The following VPS13B variants were observed in gnomAD, a reference collection of about 807,000 sequenced individuals.
VPS13B encodes vacuolar protein sorting 13 homolog B, also known as intermembrane lipid transfer protein VPS13B.
A neutral mutation model predicts 426.4 loss-of-function variants in VPS13B; 285 were observed. The ratio of observed to expected loss-of-function variants is 0.67; its 90% CI spans 0.61 to 0.74. The LOEUF (loss-of-function observed/expected upper bound fraction) is 0.74, where lower values mean the gene tolerates loss of function less well. VPS13B is among the 30% of genes least tolerant of loss of function. The probability of loss-of-function intolerance (pLI) is 0.00; values close to 1 mark genes in which losing one functional copy is unlikely to be tolerated. For synonymous variants in VPS13B, 1,676 were observed against 1,676.4 expected (o/e 1.00, Z 0.01); for missense variants, 4,537 against 4,782.6 (o/e 0.95, Z 1.51).
intron 39 of VPS13B, among the ~76,000 whole-genome samples, chr8:99,747,461 G>T (rs894456918): frequency 6.6e-6 from 1 of 151,906 alleles, no homozygotes; most frequent in African/African-American, 2.4e-5. Context: ...ACCAGCTGTT[G>T]GTTCTTCAGA....
Position 99,848,880 on chromosome 8 carries a change from A to G in VPS13B, c.10047A>G (p.Leu3349=), listed in dbSNP as rs1816115503. 6 of 1,613,910 alleles carry G rather than the reference A, an allele frequency of 3.7e-6. No individual in the cohort carries two copies. Among genetic ancestry groups the G allele is most frequent in the Non-Finnish European group, 5.1e-6 (6 of 1,179,900 alleles). The change falls in exon 55 of 62, where the codon TTA becomes TTG. Residue 3349 remains leucine, a synonymous_variant. Transcript: ENST00000357162. ...VAPEGKAGPI[L]TNTNRAPEKI... is the part of the protein sequence containing the mutation. Reference sequence around the variant, plus strand: ...CAGAAGGAAAAGCAGGACCTATTTTAACCAATACCAACAGGTAGGTTTAAT... The same window carrying G: ...CAGAAGGAAAAGCAGGACCTATTTTGACCAATACCAACAGGTAGGTTTAAT...
intron 28 of VPS13B, chr8:99,507,870 A>G: frequency 6.2e-7 from 1 of 1,614,114 alleles, no homozygotes; most frequent in Non-Finnish European, 8.5e-7. Flanking sequence ...ACCCATCAGC[A>G]AGCAGGACCC....
chr8:99,135,639 G>C lies in VPS13B; in HGVS notation c.1469G>C (p.Gly490Ala), dbSNP rs761218548. 1 of 1,613,338 alleles carries C rather than the reference G, an allele frequency of 6.2e-7. No individual in the cohort carries two copies. Among genetic ancestry groups the C allele is most frequent in the African/African-American group, 1.3e-5 (1 of 74,998 alleles). The change falls in exon 11 of 62, where the codon GGT becomes GCT. Residue 490 changes from glycine (G) to alanine (A), a missense_variant. Physicochemically the swap from Gly to Ala is moderately conservative, Grantham distance 60. Transcript: ENST00000357162. ...FICGDNLSTKGFTYLTNSLFD... is the reference protein window; with the variant it reads ...FICGDNLSTKAFTYLTNSLFD... ...TGTGGTGACAATTTGAGTACGAAAG[G>C]TTTCACATACCTTACAAATTCATTG...
chr8:99,731,051 C>T (rs75139025), intron 39 of VPS13B, among the ~76,000 whole-genome samples: 2,955 of 152,132 alleles, frequency 0.019, 102 homozygotes, highest in African/African-American at 0.068. Context: ...ACTCAGTGAG[C>T]AAAATTTCAG....
chr8:99,196,694 C>A (rs969381859), intron 17 of VPS13B, among the ~76,000 whole-genome samples: 4 of 152,080 alleles, frequency 2.6e-5, no homozygotes, highest in Non-Finnish European at 4.4e-5. Context: ...CCACCTCGTC[C>A]TCCTAAAATA....
chr8:99,509,116 A>C (rs1338782440), intron 28 of VPS13B, among the ~76,000 whole-genome samples: 1 of 152,176 alleles, frequency 6.6e-6, no homozygotes, highest in Non-Finnish European at 1.5e-5. Context: ...CAGTTTAGAC[A>C]CTTAGAACAG....
At chr8:99,047,418 T>C (rs1385965508) in intron 3 of VPS13B, among the ~76,000 whole-genome samples, 2 of 152,148 alleles carry the variant, frequency 1.3e-5, no homozygotes, top group South Asian at 2.1e-4. Flanking sequence ...ATTTTCTCTC[T>C]TCTTTTTTGG....
chr8:99,380,399 C>T (rs1813726891), intron 19 of VPS13B, among the ~76,000 whole-genome samples: 1 of 152,026 alleles, frequency 6.6e-6, no homozygotes, highest in Non-Finnish European at 1.5e-5. Context: ...TTAATTATGA[C>T]TCCCATTTTG....
intron 21 of VPS13B, among the ~76,000 whole-genome samples, chr8:99,408,526 G>A (rs2133351972): frequency 6.6e-6 from 1 of 152,290 alleles, no homozygotes. Flanking sequence ...AGGACTATAA[G>A]ATGAAGAGCA....
intron 2 of VPS13B, among the ~76,000 whole-genome samples, chr8:99,021,289 GT>G (rs1563487277): frequency 6.6e-6 from 1 of 152,178 alleles, no homozygotes; most frequent in Non-Finnish European, 1.5e-5. Context: ...AAGGAATAAA[GT>G]TGGTTTTTTT....
chr8:99,873,897 G>A (rs530982400), intron 61 of VPS13B, among the ~76,000 whole-genome samples: 39 of 152,324 alleles, frequency 2.6e-4, no homozygotes, highest in African/African-American at 8.7e-4. Context: ...TTCCAGTGAA[G>A]ACTAAAAGTA....
At chr8:99,353,230 C>G (rs1189526967) in intron 19 of VPS13B, among the ~76,000 whole-genome samples, 1 of 152,136 alleles carries the variant, frequency 6.6e-6, no homozygotes. Flanking sequence ...GTGATCCACC[C>G]ACCTTGGCCT....
intron 16 of VPS13B, among the ~76,000 whole-genome samples, chr8:99,175,936 G>A (rs1015714532): frequency 5.3e-5 from 8 of 152,070 alleles, no homozygotes; most frequent in Admixed American, 1.3e-4. Flanking sequence ...TAATAATTTC[G>A]TAGCCACCTT....
chr8:99,669,085 T>C (rs2129859169), intron 35 of VPS13B, among the ~76,000 whole-genome samples: 1 of 152,206 alleles, frequency 6.6e-6, no homozygotes, highest in African/African-American at 2.4e-5. Flanking sequence ...AGTTAGCCTA[T>C]AGAAAAAAAT....
chr8:99,775,510 A>C (rs916882909), intron 40 of VPS13B, among the ~76,000 whole-genome samples: 3 of 152,208 alleles, frequency 2.0e-5, no homozygotes, highest in African/African-American at 7.2e-5. Context: ...GCATTAATGC[A>C]ATCTAGGCAG....
At chr8:99,315,398 T>C (rs1809584572) in intron 19 of VPS13B, among the ~76,000 whole-genome samples, 1 of 152,074 alleles carries the variant, frequency 6.6e-6, no homozygotes, top group African/African-American at 2.4e-5. Flanking sequence ...GCTGGATTTT[T>C]TTCTTGTGCT....
chr8:99,447,748 T>C (rs1428983094), intron 23 of VPS13B, among the ~76,000 whole-genome samples: 1 of 152,140 alleles, frequency 6.6e-6, no homozygotes, highest in Non-Finnish European at 1.5e-5. Context: ...GTGTCACATA[T>C]TGTTAAAATA....
chr8:99,755,790 TAAAC>T (rs1228508828), intron 39 of VPS13B, among the ~76,000 whole-genome samples: 4 of 151,894 alleles, frequency 2.6e-5, no homozygotes, highest in Non-Finnish European at 4.4e-5. Flanking sequence ...AATAAATAAA[TAAAC>T]AAATAAGCAA....
chr8:99,145,020 T>G (rs931904920), intron 13 of VPS13B, among the ~76,000 whole-genome samples: 1 of 152,130 alleles, frequency 6.6e-6, no homozygotes, highest in African/African-American at 2.4e-5. Flanking sequence ...GAGGGTTTTA[T>G]GTAGACAAGT....
Sources: allele counts gnomAD v4.1 joint callset (sites outside exome capture counted in the v4.1 genomes callset), GRCh38; gene constraint gnomAD v4.1.1; transcripts MANE v1.5; gene names NCBI Gene and HGNC (gene_info 2026-07-23, HGNC 2026-07-21).